RIT2: variants seen among roughly 807,000 people sequenced by gnomAD.
The protein encoded by RIT2 is Ras like without CAAX 2.
A neutral mutation model predicts 23.7 loss-of-function variants in RIT2; 24 were observed. The observed-to-expected ratio is 1.01, with a 90% CI of 0.73 to 1.43. The LOEUF (loss-of-function observed/expected upper bound fraction) is 1.43, where lower values mean the gene tolerates loss of function less well. RIT2 is among the 40% of genes most tolerant of loss of function. RIT2 has a pLI of 0.00. For synonymous variants in RIT2, 107 were observed against 91.1 expected, an observed-to-expected ratio of 1.17 and a Z score of -0.99; for missense variants, 236 against 266.9, an observed-to-expected ratio of 0.88 and a Z score of 0.81.
At chr18:42,779,517 C>A (rs1199211862) in intron 4 of RIT2, among the ~76,000 whole-genome samples, 1 of 152,130 alleles carries the variant, frequency 6.6e-6, no homozygotes, top group African/African-American at 2.4e-5. Flanking sequence ...TCTTCTATTG[C>A]AAGTCTTGAC....
At chr18:43,026,644 G>T (rs1911738647) in intron 2 of RIT2, among the ~76,000 whole-genome samples, 1 of 147,056 alleles carries the variant, frequency 6.8e-6, no homozygotes, top group African/African-American at 2.5e-5. Flanking sequence ...AAGAGAGAAA[G>T]AAGGAAAGGC....
chr18:42,751,021 A>G (rs888667090), intron 4 of RIT2, among the ~76,000 whole-genome samples: 2 of 151,904 alleles, frequency 1.3e-5, no homozygotes, highest in African/African-American at 2.4e-5. Context: ...GCAGTGGGAC[A>G]TTAGTTAAGG....
intron 4 of RIT2, among the ~76,000 whole-genome samples, chr18:42,877,701 T>C (rs749331432): frequency 5.9e-5 from 9 of 151,802 alleles, no homozygotes; most frequent in Non-Finnish European, 8.8e-5. Flanking sequence ...CCAAATCTTT[T>C]GAGCACAAAC....
At position 42,996,142 on chromosome 18, in the gene RIT2, C is replaced by T. The variant is rs192496511; in HGVS notation, c.161-21995G>A. On this transcript the variant is annotated intron_variant, in intron 2 of 4. Coordinates refer to ENST00000326695, the MANE Select transcript of RIT2 (RefSeq NM_002930.4). Reference sequence around the variant, plus strand: ...TTTAGTTTTTCAATTCATACAAAACCGTATCCAGGCCATCATCAATAATTC... The same window carrying T: ...TTTAGTTTTTCAATTCATACAAAACTGTATCCAGGCCATCATCAATAATTC... Among the ~76,000 whole-genome samples, 126 of 152,158 alleles carry T rather than the reference C, an allele frequency of 8.3e-4. No individual in the cohort carries two copies. The East Asian group carries it at 0.018, about 21-fold the overall frequency.
chr18:42,891,911 A>C (rs1402023853), intron 4 of RIT2, among the ~76,000 whole-genome samples: 1 of 152,168 alleles, frequency 6.6e-6, no homozygotes, highest in Non-Finnish European at 1.5e-5. Context: ...ACGGTGTGTC[A>C]ATGTAGATTT....
chr18:42,791,917 A>C (rs1322245200), intron 4 of RIT2, among the ~76,000 whole-genome samples: 4 of 152,166 alleles, frequency 2.6e-5, no homozygotes, highest in Non-Finnish European at 4.4e-5. Flanking sequence ...AAAGATGGGA[A>C]TGTGACCCAG....
At chr18:43,075,462 T>G (rs1912992265) in intron 1 of RIT2, among the ~76,000 whole-genome samples, 1 of 152,176 alleles carries the variant, frequency 6.6e-6, no homozygotes, top group Non-Finnish European at 1.5e-5. Context: ...AATGTTTAAT[T>G]AGTTTAGAAA....
intron 3 of RIT2, among the ~76,000 whole-genome samples, chr18:42,973,471 A>G (rs982972410): frequency 1.3e-5 from 2 of 151,938 alleles, no homozygotes; most frequent in African/African-American, 4.8e-5. Flanking sequence ...TTTCTTCAAA[A>G]TATATCTAGG....
intron 1 of RIT2, among the ~76,000 whole-genome samples, chr18:43,048,555 TG>T (rs1254923812): frequency 1.6e-4 from 24 of 152,214 alleles, no homozygotes; most frequent in African/African-American, 5.3e-4. Context: ...ATACCCACTA[TG>T]GGGTTGTTAT....
chr18:43,032,531 T>C (rs990083013), intron 2 of RIT2, among the ~76,000 whole-genome samples: 1 of 152,102 alleles, frequency 6.6e-6, no homozygotes, highest in Non-Finnish European at 1.5e-5. Context: ...ACAAAGCTAT[T>C]GGCATTCTGG....
At chr18:42,861,060 T>C (rs1345685678) in intron 4 of RIT2, among the ~76,000 whole-genome samples, 1 of 152,236 alleles carries the variant, frequency 6.6e-6, no homozygotes, top group Non-Finnish European at 1.5e-5. Context: ...ATAACAGACC[T>C]GATCTTTCTC....
At chr18:42,920,951 T>C (rs573822256) in intron 4 of RIT2, among the ~76,000 whole-genome samples, 52 of 152,204 alleles carry the variant, frequency 3.4e-4, no homozygotes, top group African/African-American at 1.2e-3. Context: ...GCTTTTTTTT[T>C]TTTATATGAA....
At chr18:42,779,087 C>T (rs1247085263) in intron 4 of RIT2, among the ~76,000 whole-genome samples, 1 of 152,118 alleles carries the variant, frequency 6.6e-6, no homozygotes, top group African/African-American at 2.4e-5. Context: ...AGTGAAGATA[C>T]CATGATTTTC....
At chr18:42,875,914 A>T (rs1038978837) in intron 4 of RIT2, among the ~76,000 whole-genome samples, 1 of 152,038 alleles carries the variant, frequency 6.6e-6, no homozygotes, top group Non-Finnish European at 1.5e-5. Context: ...TACACCAAGG[A>T]TTTAACCTTA....
At chr18:42,963,852 C>T (rs1181839162) in intron 3 of RIT2, among the ~76,000 whole-genome samples, 1 of 152,004 alleles carries the variant, frequency 6.6e-6, no homozygotes, top group Non-Finnish European at 1.5e-5. Flanking sequence ...GCTGATATTG[C>T]ACCACTGCAC....
At chr18:43,016,581 G>T (rs1219991974) in intron 2 of RIT2, among the ~76,000 whole-genome samples, 1 of 151,568 alleles carries the variant, frequency 6.6e-6, no homozygotes, top group Non-Finnish European at 1.5e-5. Context: ...TCTGCCCCAG[G>T]TAAGTCATAA....
chr18:42,946,242 CA>C (rs2144165812), intron 3 of RIT2, among the ~76,000 whole-genome samples: 1 of 152,208 alleles, frequency 6.6e-6, no homozygotes, highest in South Asian at 2.1e-4. Context: ...GCCAGTGGTT[CA>C]CACAGCTTGC....
intron 4 of RIT2, among the ~76,000 whole-genome samples, chr18:42,800,050 C>T (rs1055141722): frequency 1.3e-5 from 2 of 152,194 alleles, no homozygotes. Flanking sequence ...ACCACTATAT[C>T]TCTGGCACTT....
At chr18:42,992,552 G>A (rs1010082649) in intron 2 of RIT2, among the ~76,000 whole-genome samples, 2 of 151,954 alleles carry the variant, frequency 1.3e-5, no homozygotes, top group East Asian at 1.9e-4. Context: ...TACCCAGGCC[G>A]AGCTATGTCC....
Sources: allele counts gnomAD v4.1 joint callset (sites outside exome capture counted in the v4.1 genomes callset), GRCh38; gene constraint gnomAD v4.1.1; transcripts MANE v1.5; gene names NCBI Gene and HGNC (gene_info 2026-07-23, HGNC 2026-07-21).